FAM169A: variants seen among roughly 807,000 people sequenced by gnomAD.
FAM169A encodes family with sequence similarity 169 member A, also known as soluble lamin-associated protein of 75 kDa.
Under a neutral mutation model 75.7 loss-of-function variants are expected in FAM169A, and 24 were observed. The ratio of observed to expected loss-of-function variants is 0.32; its 90% CI spans 0.23 to 0.45. The LOEUF is 0.45. Ranked by LOEUF, FAM169A falls within the 20% of genes least tolerant of loss-of-function variation. The pLI, the probability that FAM169A is intolerant of heterozygous loss-of-function variation, is 1.00. For missense variants in FAM169A, 673 were observed against 784.0 expected (o/e 0.86, Z 1.69); for synonymous variants, 271 against 271.0 (o/e 1.00, Z 0.00).
intron 1 of FAM169A, among the ~76,000 whole-genome samples, chr5:74,847,405 T>C (rs1237641192): frequency 3.9e-5 from 6 of 152,180 alleles, no homozygotes; most frequent in African/African-American, 1.4e-4. Context: ...TGTGTCACGT[T>C]TATGTCACTG....
chr5:74,813,811 T>C (rs764826402), intron 6 of FAM169A, 29 bp downstream of exon 6: 26 of 1,459,080 alleles, frequency 1.8e-5, no homozygotes, highest in African/African-American at 2.9e-5. Flanking sequence ...CAAAGACAAG[T>C]TTATTATTTT....
In FAM169A at chr5:74,781,391, A is replaced by C. The variant is rs887566264; in HGVS notation, c.*69T>G. The C allele has an allele frequency of 6.8e-7, 1 of 1,460,158 alleles. No individual in the cohort carries two copies. The highest frequency in any genetic ancestry group is 2.3e-5 in the East Asian group (1 of 43,904). The allele number at this position is 1,460,158 out of a possible 1,614,324, so 90.5% of individuals were successfully genotyped here. On this transcript the variant is annotated 3_prime_UTR_variant, in exon 13 of 13. Coordinates refer to ENST00000687041, the MANE Select transcript of FAM169A (RefSeq NM_001376049.1). ...TGTCCTGTGCCCCATGCTGTTTATT[A>C]ATTACCATATTTTAAAAACAACAAC... is the stretch of plus-strand genomic sequence containing the variant.
chr5:74,834,671 C>T, intron 4 of FAM169A, 74 bp from the exon 5 acceptor site: 1 of 1,232,364 alleles, frequency 8.1e-7, no homozygotes, highest in East Asian at 2.7e-5. Flanking sequence ...TACTTTGCTC[C>T]CTGCTCCCAT....
intron 1 of FAM169A, among the ~76,000 whole-genome samples, chr5:74,852,131 G>C (rs1749473915): frequency 6.6e-6 from 1 of 152,164 alleles, no homozygotes; most frequent in Non-Finnish European, 1.5e-5. Flanking sequence ...ATATTCTGCT[G>C]AGTCACAATC....
At chr5:74,851,153 C>T (rs1022519461) in intron 1 of FAM169A, among the ~76,000 whole-genome samples, 1 of 152,238 alleles carries the variant, frequency 6.6e-6, no homozygotes, top group African/African-American at 2.4e-5. Context: ...ACAGTAATTA[C>T]TCCTGGTAAG....
intron 5 of FAM169A, among the ~76,000 whole-genome samples, chr5:74,818,531 C>T (rs774297540): frequency 2.0e-5 from 3 of 151,900 alleles, no homozygotes; most frequent in East Asian, 3.9e-4. Flanking sequence ...GAATTATAAC[C>T]GGATGAATCT....
intron 6 of FAM169A, among the ~76,000 whole-genome samples, chr5:74,809,099 T>A (rs1747035049): frequency 6.6e-6 from 1 of 151,696 alleles, no homozygotes; most frequent in South Asian, 2.1e-4. Flanking sequence ...AATAGAACAC[T>A]GATAAATACT....
chr5:74,801,014 A>C lies in FAM169A; in HGVS notation c.969T>G (p.Ser323=), dbSNP rs1160511521. ...ASTSEGHDKT[S]VSTHTRSGNL... is the part of the protein sequence containing the mutation. Reference sequence around the variant, plus strand: ...TACCACTTCGAGTATGAGTGGAAACAGATGTTTTATCATGACCTGAGGAGA... The same window carrying C: ...TACCACTTCGAGTATGAGTGGAAACCGATGTTTTATCATGACCTGAGGAGA... Residue 323 remains serine, a synonymous_variant, in exon 10 of 13, where the codon TCT becomes TCG. Transcript: ENST00000687041. 1.1e-5 allele frequency: 17 copies of C among 1,559,920 alleles called. No individual in the cohort carries two copies. The highest frequency in any genetic ancestry group is 1.5e-5 in the Non-Finnish European group (17 of 1,153,500).
chr5:74,816,778 G>A (rs962680324), intron 5 of FAM169A, among the ~76,000 whole-genome samples: 2 of 152,076 alleles, frequency 1.3e-5, no homozygotes, highest in African/African-American at 4.8e-5. Context: ...ATTTAGCATT[G>A]CACATGTCAG....
intron 11 of FAM169A, among the ~76,000 whole-genome samples, chr5:74,788,493 G>A (rs574420478): frequency 1.1e-3 from 175 of 152,198 alleles, no homozygotes; most frequent in African/African-American, 4.0e-3. Context: ...ATCACCTGAG[G>A]TCGGGAGTTC....
At chr5:74,817,570 C>T (rs910538863) in intron 5 of FAM169A, among the ~76,000 whole-genome samples, 2 of 152,048 alleles carry the variant, frequency 1.3e-5, no homozygotes, top group Non-Finnish European at 2.9e-5. Flanking sequence ...GTTCATGGAT[C>T]TAAAAACTTA....
intron 5 of FAM169A, among the ~76,000 whole-genome samples, chr5:74,827,039 A>T (rs867221702): frequency 6.6e-6 from 1 of 152,112 alleles, no homozygotes; most frequent in South Asian, 2.1e-4. Context: ...TGAGATCATA[A>T]ATTTTGGGCA....
intron 1 of FAM169A, among the ~76,000 whole-genome samples, chr5:74,856,098 G>A (rs563235879): frequency 2.6e-5 from 4 of 152,182 alleles, no homozygotes; most frequent in East Asian, 3.9e-4. Flanking sequence ...CTGTAGATGC[G>A]CAGATTTATT....
At chr5:74,790,056 G>A (rs769398509) in intron 11 of FAM169A, among the ~76,000 whole-genome samples, 2 of 152,118 alleles carry the variant, frequency 1.3e-5, no homozygotes, top group Non-Finnish European at 2.9e-5. Flanking sequence ...ATATGTGATC[G>A]GGCTTGAGCA....
intron 6 of FAM169A, among the ~76,000 whole-genome samples, chr5:74,807,145 C>T (rs1160328918): frequency 1.3e-5 from 2 of 152,162 alleles, no homozygotes; most frequent in African/African-American, 4.8e-5. Context: ...ATAAACCCAT[C>T]ATAAATTGAA....
intron 5 of FAM169A, among the ~76,000 whole-genome samples, chr5:74,832,769 T>C (rs1297574491): frequency 6.6e-6 from 1 of 151,834 alleles, no homozygotes; most frequent in Non-Finnish European, 1.5e-5. Context: ...GTTTCCTTTG[T>C]AGAAAAAACA....
chr5:74,805,474 A>G (rs1440106945), intron 6 of FAM169A, among the ~76,000 whole-genome samples, 190 bp from the exon 7 acceptor site: 1 of 151,198 alleles, frequency 6.6e-6, no homozygotes, highest in African/African-American at 2.4e-5. Flanking sequence ...AATCCCAAAT[A>G]AAAGTTTTAA....
At chr5:74,852,696 T>C (rs1359708566) in intron 1 of FAM169A, among the ~76,000 whole-genome samples, 1 of 151,082 alleles carries the variant, frequency 6.6e-6, no homozygotes. Context: ...TTAAGGTATA[T>C]AACGGCAAAT....
chr5:74,826,536 A>C (rs945110477), intron 5 of FAM169A, among the ~76,000 whole-genome samples: 1 of 152,218 alleles, frequency 6.6e-6, no homozygotes, highest in Non-Finnish European at 1.5e-5. Context: ...ATAATTTTGA[A>C]ATACCATATA....
Sources: allele counts gnomAD v4.1 joint callset (sites outside exome capture counted in the v4.1 genomes callset), GRCh38; gene constraint gnomAD v4.1.1; transcripts MANE v1.5; gene names NCBI Gene and HGNC (gene_info 2026-07-23, HGNC 2026-07-21).